RBFOX3: variants seen among roughly 807,000 people sequenced by gnomAD.
RBFOX3 encodes RNA binding fox-1 homolog 3, also known as RNA binding protein fox-1 homolog 3.
In RBFOX3, 17 loss-of-function variants were observed where a neutral mutation model predicts 48.7. That is an observed-to-expected ratio of 0.35 (90% CI 0.24 to 0.52). The LOEUF is 0.52. Among genes scored for constraint, RBFOX3 ranks in the 20% least tolerant of loss-of-function variants. The probability of loss-of-function intolerance (pLI) is 0.94; values close to 1 mark genes in which losing one functional copy is unlikely to be tolerated. For missense variants in RBFOX3, 382 were observed against 497.5 expected (o/e 0.77, Z 2.21); for synonymous variants, 212 against 209.5 (o/e 1.01, Z -0.10).
chr17:79,462,768 G>A (rs12943617), intron 2 of RBFOX3, among the ~76,000 whole-genome samples: 50,316 of 151,978 alleles, frequency 0.33, 9,279 homozygotes, highest in Non-Finnish European at 0.42. Context: ...TAAAACTGGG[G>A]AAATGACTAC....
intron 1 of RBFOX3, among the ~76,000 whole-genome samples, chr17:79,605,869 C>G (rs1298713627): frequency 6.6e-6 from 1 of 152,054 alleles, no homozygotes; most frequent in Admixed American, 6.6e-5. Context: ...AGCCCTGGCC[C>G]CAACCTACAC....
the RBFOX3 span, among the ~76,000 whole-genome samples, chr17:79,653,869 C>G: frequency 1.4e-5 from 2 of 144,188 alleles, no homozygotes; most frequent in East Asian, 2.0e-4. Context: ...ATAGCAGGAC[C>G]CTGTCTCTAC....
At chr17:79,505,496 C>A (rs1555778464) in intron 1 of RBFOX3, among the ~76,000 whole-genome samples, 1 of 152,160 alleles carries the variant, frequency 6.6e-6, no homozygotes, top group African/African-American at 2.4e-5. Flanking sequence ...TCTTCCCTGT[C>A]CCACCTCCCC....
intron 2 of RBFOX3, among the ~76,000 whole-genome samples, chr17:79,341,826 C>T (rs1409727388): frequency 6.6e-6 from 1 of 152,242 alleles, no homozygotes; most frequent in Non-Finnish European, 1.5e-5. Flanking sequence ...TGCAAACCCC[C>T]AAGCCAGGGC....
intron 5 of RBFOX3, among the ~76,000 whole-genome samples, chr17:79,108,352 C>T (rs1395711154): frequency 1.8e-4 from 27 of 152,110 alleles, no homozygotes; most frequent in Admixed American, 1.6e-3. Context: ...AGCCAGCCTG[C>T]GAGCAAGAGG....
chr17:79,595,318 C>T (rs1266032474), intron 1 of RBFOX3, among the ~76,000 whole-genome samples: 6 of 152,316 alleles, frequency 3.9e-5, no homozygotes, highest in African/African-American at 7.2e-5. Flanking sequence ...TGAGGCCCAC[C>T]GTGCCCCAGC....
chr17:79,124,390 C>T (rs1333748918), intron 4 of RBFOX3, among the ~76,000 whole-genome samples: 3 of 152,158 alleles, frequency 2.0e-5, no homozygotes, highest in Non-Finnish European at 2.9e-5. Flanking sequence ...AGACTGCACT[C>T]GACATTTTAA....
intron 1 of RBFOX3, among the ~76,000 whole-genome samples, chr17:79,582,455 T>C (rs1313600857): frequency 6.6e-6 from 1 of 152,164 alleles, no homozygotes; most frequent in Non-Finnish European, 1.5e-5. Flanking sequence ...CCATCCCTGA[T>C]GACTTGGGGA....
intron 2 of RBFOX3, among the ~76,000 whole-genome samples, chr17:79,472,940 T>G (rs1241573629): frequency 6.6e-6 from 1 of 152,242 alleles, no homozygotes; most frequent in Non-Finnish European, 1.5e-5. Context: ...AGGGTCTCAC[T>G]ATGCTGCCCA....
chr17:79,109,636 G>A (rs986438901), intron 5 of RBFOX3, among the ~76,000 whole-genome samples: 10 of 152,222 alleles, frequency 6.6e-5, no homozygotes, highest in East Asian at 3.8e-4. Flanking sequence ...TTGGACAGGC[G>A]TGGGTCTTTC....
intron 1 of RBFOX3, chr17:79,601,361 C>G (rs1429661666): frequency 6.6e-6 from 1 of 152,268 alleles, no homozygotes; most frequent in Non-Finnish European, 1.5e-5. Flanking sequence ...AGGGCAGGGA[C>G]AGGCCAGGGG....
At chr17:79,603,821 G>C (rs2093765104) in intron 1 of RBFOX3, 1 of 152,284 alleles carries the variant, frequency 6.6e-6, no homozygotes, top group Non-Finnish European at 1.5e-5. Flanking sequence ...TCTCAGCAGG[G>C]TAAACTGAGG....
chr17:79,251,938 C>A (rs1292207878), intron 3 of RBFOX3, among the ~76,000 whole-genome samples: 1 of 152,218 alleles, frequency 6.6e-6, no homozygotes, highest in Non-Finnish European at 1.5e-5. Flanking sequence ...CCTTCCCCTC[C>A]CTGCCTGAAA....
At chr17:79,467,805 C>A (rs2076511951) in intron 2 of RBFOX3, among the ~76,000 whole-genome samples, 1 of 152,040 alleles carries the variant, frequency 6.6e-6, no homozygotes, top group Non-Finnish European at 1.5e-5. Flanking sequence ...CTGCTATGGG[C>A]CTTTGAGTCC....
At chr17:79,359,406 A>G (rs1226960648) in intron 2 of RBFOX3, among the ~76,000 whole-genome samples, 1 of 152,214 alleles carries the variant, frequency 6.6e-6, no homozygotes, top group Non-Finnish European at 1.5e-5. Flanking sequence ...GATTTAACTG[A>G]GCAGCCTTTA....
the RBFOX3 span, among the ~76,000 whole-genome samples, chr17:79,657,473 G>A: frequency 6.6e-6 from 1 of 152,216 alleles, no homozygotes; most frequent in African/African-American, 2.4e-5. Context: ...GAGGTCGGGA[G>A]TTCAAGGCCA....
At chr17:79,584,382 C>T (rs909708133) in intron 1 of RBFOX3, among the ~76,000 whole-genome samples, 63 of 152,304 alleles carry the variant, frequency 4.1e-4, no homozygotes, top group African/African-American at 1.5e-3. Flanking sequence ...AACAATCCCA[C>T]TACCAGGTAT....
intron 2 of RBFOX3, among the ~76,000 whole-genome samples, chr17:79,319,594 T>TGGCTGCTGGTCTTGTCCG (rs2078118877): frequency 6.6e-6 from 1 of 150,844 alleles, no homozygotes; most frequent in Non-Finnish European, 1.5e-5. Flanking sequence ...GTTCTTATCC[T>TGGCTGCTGGTCTTGTCCG]GGCTGCTGGT....
chr17:79,103,342 A>AG lies in RBFOX3; in HGVS notation c.415-89dup, dbSNP rs1260001351. 3.7e-5 allele frequency: 19 copies of AG among 510,468 alleles called. No homozygotes were observed. The highest frequency in any genetic ancestry group is 2.7e-4 in the South Asian group (13 of 48,282). The allele number at this position is 510,468 out of a possible 1,614,324, so 31.6% of individuals were successfully genotyped here. Reference sequence around the variant, plus strand: ...GAAGACGAGGAAGAAGAGGAGTGGGAGGGGGGCAGGGGAGTGGGGAGAGAG... The same window carrying AG: ...GAAGACGAGGAAGAAGAGGAGTGGGAGGGGGGGCAGGGGAGTGGGGAGAGAG... On this transcript the variant is annotated intron_variant, in intron 7 of 14. Transcript: ENST00000693108. This position sits in a 1 kb window ranked among gnomAD's most constrained non-coding sequence, Gnocchi z 6.1.
Sources: allele counts gnomAD v4.1 joint callset (sites outside exome capture counted in the v4.1 genomes callset), GRCh38; gene constraint gnomAD v4.1.1; non-coding constraint Gnocchi (gnomAD v3.1); transcripts MANE v1.5; gene names NCBI Gene and HGNC (gene_info 2026-07-23, HGNC 2026-07-21).